The following NEGR1 variants were observed in gnomAD, a reference collection of about 807,000 sequenced individuals.
NEGR1 encodes IgLON family member 4.
NEGR1 carries 10 observed loss-of-function variants against 40.9 expected under a neutral mutation model. The ratio of observed to expected loss-of-function variants is 0.24; its 90% CI spans 0.15 to 0.42. NEGR1 has a LOEUF of 0.42. NEGR1 is among the 10% of genes least tolerant of loss of function. The probability of loss-of-function intolerance (pLI) is 1.00; values close to 1 mark genes in which losing one functional copy is unlikely to be tolerated. For synonymous variants in NEGR1, 185 were observed against 166.8 expected (o/e 1.11, Z -0.84); for missense variants, 352 against 438.9 (o/e 0.80, Z 1.77).
chr1:71,684,720 G>C (rs1652970319), intron 4 of NEGR1, among the ~76,000 whole-genome samples: 1 of 152,096 alleles, frequency 6.6e-6, no homozygotes, highest in Admixed American at 6.5e-5. Context: ...AATGCTGCTT[G>C]GTGCTTTCCT....
intron 6 of NEGR1, among the ~76,000 whole-genome samples, chr1:71,588,631 C>G (rs1649390922): frequency 6.6e-6 from 1 of 152,088 alleles, no homozygotes; most frequent in African/African-American, 2.4e-5. Flanking sequence ...AAAACCTCTA[C>G]TTAAAATTAT....
intron 3 of NEGR1, among the ~76,000 whole-genome samples, chr1:71,744,781 C>G (rs1272906643): frequency 6.6e-6 from 1 of 151,994 alleles, no homozygotes; most frequent in African/African-American, 2.4e-5. Context: ...TTTAAAATAA[C>G]CTATATTAAA....
intron 1 of NEGR1, among the ~76,000 whole-genome samples, chr1:72,145,745 C>A (rs1236450061): frequency 6.6e-6 from 1 of 151,952 alleles, no homozygotes; most frequent in Non-Finnish European, 1.5e-5. Context: ...TTATCTCTAC[C>A]TTCATTATTT....
intron 6 of NEGR1, among the ~76,000 whole-genome samples, chr1:71,443,864 T>A (rs1245142443): frequency 2.6e-5 from 4 of 152,302 alleles, no homozygotes; most frequent in African/African-American, 9.6e-5. Flanking sequence ...AGGTCCAGAT[T>A]TTCTAGATTT....
In NEGR1 at chr1:71,399,475, A is replaced by G. The variant is rs1646232695; in HGVS notation, c.*7971T>C. On this transcript the variant is annotated 3_prime_UTR_variant, in exon 7 of 7. Coordinates refer to ENST00000357731, the MANE Select transcript of NEGR1 (RefSeq NM_173808.3). ...CCATCTTCTGATTAATTAAATCACA[A>G]GATGTTCCTTATGCTAACGTCTTAG... 1.3e-5 allele frequency: 2 copies of G among 152,226 alleles called. No individual in the cohort carries two copies. Among genetic ancestry groups the G allele is most frequent in the African/African-American group, 4.8e-5 (2 of 41,464 alleles). 9.4% of individuals were successfully genotyped at this position (152,226 alleles called of 1,614,324 possible). A position where few individuals can be genotyped will look rare whatever the true frequency, so the allele number is the denominator to read the frequency against.
rs563469943 is a variant in NEGR1 at position 71,885,397 on chromosome 1, C to T, written c.409+49682G>A. ...GCTTGCAATTCTCCAGAAGTCTTGACTCACACAGCAGTGTTTCTTGCAGGA... is the reference window on the plus strand; with the variant it reads ...GCTTGCAATTCTCCAGAAGTCTTGATTCACACAGCAGTGTTTCTTGCAGGA... On this transcript the variant is annotated intron_variant, in intron 2 of 6. Coordinates refer to ENST00000357731, the MANE Select transcript of NEGR1 (RefSeq NM_173808.3). Among the ~76,000 whole-genome samples the T allele has an allele frequency of 3.9e-5, 6 of 152,322 alleles. No individual in the cohort carries two copies. In the South Asian group the frequency reaches 6.2e-4, roughly 16 times the overall value.
At chr1:71,715,956 G>C (rs1257168732) in intron 3 of NEGR1, among the ~76,000 whole-genome samples, 1 of 152,086 alleles carries the variant, frequency 6.6e-6, no homozygotes, top group Admixed American at 6.6e-5. Flanking sequence ...ACTCTCTGTG[G>C]TACCAATTTA....
At chr1:72,126,159 C>T (rs893608315) in intron 1 of NEGR1, among the ~76,000 whole-genome samples, 21 of 125,338 alleles carry the variant, frequency 1.7e-4, no homozygotes, top group Admixed American at 3.4e-4. Flanking sequence ...GAGAGAGGAA[C>T]GGAGAGAGGG....
chr1:71,783,540 A>T (rs1222693806), intron 2 of NEGR1, among the ~76,000 whole-genome samples: 1 of 152,134 alleles, frequency 6.6e-6, no homozygotes, highest in Non-Finnish European at 1.5e-5. Context: ...CCCCTCACTC[A>T]GAGATAGTGA....
chr1:72,039,815 G>C (rs1052710071), intron 1 of NEGR1, among the ~76,000 whole-genome samples: 1 of 151,942 alleles, frequency 6.6e-6, no homozygotes, highest in African/African-American at 2.4e-5. Context: ...AATTTTTCAT[G>C]ATCAGAGGGG....
chr1:71,596,845 A>G (rs1426100334), intron 5 of NEGR1, among the ~76,000 whole-genome samples: 1 of 152,208 alleles, frequency 6.6e-6, no homozygotes, highest in Non-Finnish European at 1.5e-5. Flanking sequence ...GAAGTATCAG[A>G]CAACATTTTA....
chr1:71,578,715 T>C (rs1255816826), intron 6 of NEGR1, among the ~76,000 whole-genome samples: 4 of 152,184 alleles, frequency 2.6e-5, no homozygotes, highest in African/African-American at 7.2e-5. Flanking sequence ...AATTAATGAA[T>C]AGACTAACAG....
chr1:71,770,492 T>G (rs1656279497), intron 3 of NEGR1, among the ~76,000 whole-genome samples: 1 of 152,218 alleles, frequency 6.6e-6, no homozygotes, highest in African/African-American at 2.4e-5. Context: ...AAGCAAAATG[T>G]AATGATTCTA....
chr1:71,560,027 C>T (rs1648394418), intron 6 of NEGR1, among the ~76,000 whole-genome samples: 1 of 151,158 alleles, frequency 6.6e-6, no homozygotes, highest in Non-Finnish European at 1.5e-5. Context: ...CACTTGAAGT[C>T]TAGTGCACAT....
intron 6 of NEGR1, among the ~76,000 whole-genome samples, chr1:71,433,810 A>G (rs927635076): frequency 6.6e-6 from 1 of 152,256 alleles, no homozygotes; most frequent in Non-Finnish European, 1.5e-5. Flanking sequence ...GAGAGAGATT[A>G]TCTTTCTCTA....
chr1:71,954,907 G>A (rs531219930), intron 1 of NEGR1, among the ~76,000 whole-genome samples: 64 of 152,046 alleles, frequency 4.2e-4, no homozygotes, highest in Non-Finnish European at 8.5e-4. Context: ...AATGTATATG[G>A]TGATAACCTA....
chr1:71,519,754 AAC>A (rs1178966341), intron 6 of NEGR1, among the ~76,000 whole-genome samples: 127 of 150,282 alleles, frequency 8.5e-4, no homozygotes, highest in African/African-American at 2.9e-3. Context: ...ATTAAAAAAA[AAC>A]AAAAAAAGAT....
At chr1:71,666,251 A>C (rs1652238011) in intron 4 of NEGR1, among the ~76,000 whole-genome samples, 1 of 152,182 alleles carries the variant, frequency 6.6e-6, no homozygotes, top group African/African-American at 2.4e-5. Context: ...AAATAGTTAA[A>C]ATGCTTTTTT....
intron 3 of NEGR1, among the ~76,000 whole-genome samples, chr1:71,769,215 T>C (rs1234275153): frequency 1.3e-5 from 2 of 152,168 alleles, no homozygotes; most frequent in African/African-American, 4.8e-5. Flanking sequence ...TACAATCATA[T>C]GTAATACAAT....
Sources: allele counts gnomAD v4.1 joint callset (sites outside exome capture counted in the v4.1 genomes callset), GRCh38; gene constraint gnomAD v4.1.1; transcripts MANE v1.5; gene names NCBI Gene and HGNC (gene_info 2026-07-23, HGNC 2026-07-21).